ARID2: variants seen among roughly 807,000 people sequenced by gnomAD.
ARID2 encodes the protein AT-rich interaction domain 2, also known as AT-rich interactive domain-containing protein 2.
In ARID2, 32 loss-of-function variants were observed where a neutral mutation model predicts 184.6. The observed-to-expected ratio is 0.17, with a 90% CI of 0.13 to 0.23. The LOEUF (loss-of-function observed/expected upper bound fraction) is 0.23. ARID2 is among the 10% of genes least tolerant of loss of function. The pLI is 1.00. For missense variants in ARID2, 1,696 were observed against 2,197.6 expected (o/e 0.77, Z 4.56); for synonymous variants, 836 against 772.6 (o/e 1.08, Z -1.36).
In ARID2 at chr12:45,828,919, CTTAATT is replaced by C. The variant is rs1299207746; in HGVS notation, c.705+7438_705+7443del. Among the ~76,000 whole-genome samples the C allele has an allele frequency of 2.6e-5, 4 of 151,972 alleles. No homozygotes were observed. The East Asian group carries it at 5.8e-4, about 22-fold the overall frequency. ...GGTGTCTTTTGATGAACTTACATAA[CTTAATT>C]TTAATGTAGTTTAACATCAATTTTT... On this transcript the variant is annotated intron_variant, in intron 6 of 20. Transcript: ENST00000334344.
intron 3 of ARID2, among the ~76,000 whole-genome samples, chr12:45,750,051 AAGAG>A (rs1297010812): frequency 6.6e-6 from 1 of 152,202 alleles, no homozygotes; most frequent in African/African-American, 2.4e-5. Context: ...TGTTTAGTGC[AAGAG>A]GTCTAGCTTT....
chr12:45,736,956 G>A (rs1941138789), intron 3 of ARID2, among the ~76,000 whole-genome samples: 1 of 152,118 alleles, frequency 6.6e-6, no homozygotes, highest in Non-Finnish European at 1.5e-5. Flanking sequence ...CGCCAAAACT[G>A]CAATTACTTG....
intron 4 of ARID2, among the ~76,000 whole-genome samples, chr12:45,815,886 C>G (rs1468276367): frequency 6.6e-6 from 1 of 152,138 alleles, no homozygotes; most frequent in Non-Finnish European, 1.5e-5. Flanking sequence ...GTCTTGAACT[C>G]CTGGCCTCAT....
At chr12:45,880,985 T>C (rs1944090707) in intron 16 of ARID2, 2 of 198,464 alleles carry the variant, frequency 1.0e-5, no homozygotes, top group Non-Finnish European at 2.2e-5. Flanking sequence ...TAAAAGATTT[T>C]GTTTGAGGCA....
chr12:45,823,633 T>C (rs1272022906), intron 6 of ARID2, among the ~76,000 whole-genome samples: 1 of 151,916 alleles, frequency 6.6e-6, no homozygotes, highest in Non-Finnish European at 1.5e-5. Flanking sequence ...TACAGAAATA[T>C]AAAGGATCAT....
At chr12:45,885,630 T>C (rs1161996217) in intron 16 of ARID2, among the ~76,000 whole-genome samples, 12 of 152,176 alleles carry the variant, frequency 7.9e-5, no homozygotes, top group Admixed American at 7.9e-4. Context: ...ACTGGGTAAT[T>C]TGCAAAGGAA....
rs1340949557 is a variant in ARID2 at position 45,907,640 on chromosome 12, C to T, written c.*2562C>T. The stretch of plus-strand genomic sequence containing the variant: ...TTAAAGTGCTTTTGCACAATAAGTT[C>T]TGCAAAACCCTCTCATTCATGAAAA... On this transcript the variant is annotated 3_prime_UTR_variant, in exon 21 of 21. Coordinates refer to ENST00000334344, the MANE Select transcript of ARID2 (RefSeq NM_152641.4). 4.3e-6 allele frequency: 1 copy of T among 233,042 alleles called. No individual in the cohort carries two copies. The highest frequency in any genetic ancestry group is 5.6e-5 in the Admixed American group (1 of 17,778). The allele number at this position is 233,042 out of a possible 1,614,324, so 14.4% of individuals were successfully genotyped here.
At chr12:45,900,996 T>G (rs1479632932) in intron 20 of ARID2, among the ~76,000 whole-genome samples, 1 of 152,056 alleles carries the variant, frequency 6.6e-6, no homozygotes, top group East Asian at 1.9e-4. Flanking sequence ...TGTTTTGTTG[T>G]TGTTTTCATT....
intron 3 of ARID2, among the ~76,000 whole-genome samples, chr12:45,751,208 T>G (rs536329080): frequency 6.6e-6 from 1 of 152,314 alleles, no homozygotes; most frequent in African/African-American, 2.4e-5. Flanking sequence ...TGGAAAAGTC[T>G]TAGCAAGAGT....
intron 3 of ARID2, among the ~76,000 whole-genome samples, chr12:45,732,526 TTTAAA>T (rs544848659): frequency 8.5e-5 from 13 of 152,156 alleles, no homozygotes; most frequent in Non-Finnish European, 1.5e-4. Context: ...CAGAGTACAT[TTTAAA>T]TTAAAGGGCT....
chr12:45,808,835 G>T (rs1942650713), intron 3 of ARID2, among the ~76,000 whole-genome samples: 1 of 151,998 alleles, frequency 6.6e-6, no homozygotes, highest in Admixed American at 6.6e-5. Context: ...CACAATCTTG[G>T]CTCACTGTAA....
intron 3 of ARID2, among the ~76,000 whole-genome samples, chr12:45,754,613 CTAA>C (rs1325831830): frequency 2.0e-5 from 3 of 152,336 alleles, no homozygotes; most frequent in African/African-American, 7.2e-5. Flanking sequence ...GTCACCTTTT[CTAA>C]AAAGCCTTTT....
At chr12:45,889,312 A>ATACTAAACATTTTAGT (rs1944253194) in intron 16 of ARID2, among the ~76,000 whole-genome samples, 1 of 152,250 alleles carries the variant, frequency 6.6e-6, no homozygotes, top group South Asian at 2.1e-4. Flanking sequence ...TAAAGAAAGT[A>ATACTAAACATTTTAGT]TACTAAAATG....
At chr12:45,740,009 C>G (rs1022419321) in intron 3 of ARID2, among the ~76,000 whole-genome samples, 1 of 152,184 alleles carries the variant, frequency 6.6e-6, no homozygotes, top group Admixed American at 6.5e-5. Context: ...CCACATAGAA[C>G]TTCATAAACA....
intron 16 of ARID2, among the ~76,000 whole-genome samples, chr12:45,879,221 GAA>G (rs1944061234): frequency 6.6e-6 from 1 of 152,078 alleles, no homozygotes; most frequent in South Asian, 2.1e-4. Context: ...TGTGTAAGAC[GAA>G]AAGTCTAGAG....
intron 3 of ARID2, among the ~76,000 whole-genome samples, chr12:45,790,843 A>AT (rs993410266): frequency 1.5e-4 from 23 of 151,962 alleles, no homozygotes; most frequent in African/African-American, 3.9e-4. Context: ...TTTAGATATG[A>AT]TTTTTTTTAA....
intron 3 of ARID2, among the ~76,000 whole-genome samples, chr12:45,769,659 A>T (rs1941832120): frequency 6.6e-6 from 1 of 152,222 alleles, no homozygotes; most frequent in Non-Finnish European, 1.5e-5. Flanking sequence ...AAATTTATTC[A>T]CAAGTTTATT....
intron 3 of ARID2, among the ~76,000 whole-genome samples, chr12:45,766,356 A>T (rs1341458461): frequency 6.7e-6 from 1 of 150,026 alleles, no homozygotes; most frequent in African/African-American, 2.5e-5. Context: ...TTTAGTAGAG[A>T]TGGGTTTCAT....
chr12:45,830,497 A>G lies in ARID2; in HGVS notation c.706-6092A>G, dbSNP rs995854304. Among the ~76,000 whole-genome samples the G allele has an allele frequency of 4.6e-5, 7 of 152,172 alleles. No homozygotes were observed. In the East Asian group the frequency reaches 9.7e-4, roughly 21 times the overall value. On this transcript the variant is annotated intron_variant, in intron 6 of 20. Transcript: ENST00000334344. ...CTTTTGCCTCCTTTTCTTTGAAGGT[A>G]TTAGATCTTCAAAGTTTTCACCATG... is the stretch of plus-strand genomic sequence containing the variant.
Sources: allele counts gnomAD v4.1 joint callset (sites outside exome capture counted in the v4.1 genomes callset), GRCh38; gene constraint gnomAD v4.1.1; transcripts MANE v1.5; gene names NCBI Gene and HGNC (gene_info 2026-07-23, HGNC 2026-07-21).